Variants in TMEM135 observed in about 807,000 individuals in gnomAD.
TMEM135 encodes the protein transmembrane protein 135, also known as peroxisomal membrane protein 52.
In TMEM135, 30 loss-of-function variants were observed where a neutral mutation model predicts 60.3. That is an observed-to-expected ratio of 0.50 (90% CI 0.37 to 0.68). TMEM135 has a LOEUF of 0.68. TMEM135 is among the 30% of genes least tolerant of loss of function. The pLI is 0.00. For synonymous variants in TMEM135, 190 were observed against 186.7 expected, an observed-to-expected ratio of 1.02 and a Z score of -0.14; for missense variants, 468 against 548.8, an observed-to-expected ratio of 0.85 and a Z score of 1.47.
At chr11:87,171,568 C>T (rs544020640) in intron 5 of TMEM135, among the ~76,000 whole-genome samples, 3 of 152,242 alleles carry the variant, frequency 2.0e-5, no homozygotes, top group African/African-American at 7.2e-5. Context: ...GTCTGCATGT[C>T]AGTAGACTTT....
intron 5 of TMEM135, among the ~76,000 whole-genome samples, chr11:87,220,692 A>G (rs1201786117): frequency 6.6e-6 from 1 of 152,178 alleles, no homozygotes; most frequent in South Asian, 2.1e-4. Flanking sequence ...TTTTATTTCG[A>G]GAAGACTCTA....
At chr11:87,183,684 G>A (rs1369720457) in intron 5 of TMEM135, among the ~76,000 whole-genome samples, 7 of 151,876 alleles carry the variant, frequency 4.6e-5, no homozygotes, top group Non-Finnish European at 5.9e-5. Context: ...GGCCAGGTGC[G>A]GTGGCTCACG....
intron 3 of TMEM135, among the ~76,000 whole-genome samples, chr11:87,072,004 T>C (rs1257407055): frequency 6.6e-6 from 1 of 152,026 alleles, no homozygotes; most frequent in Non-Finnish European, 1.5e-5. Flanking sequence ...CTGGCCAGCA[T>C]TGGAAAACCC....
intron 3 of TMEM135, among the ~76,000 whole-genome samples, chr11:87,073,166 C>T (rs771618328): frequency 3.9e-5 from 6 of 152,172 alleles, no homozygotes; most frequent in Non-Finnish European, 8.8e-5. Flanking sequence ...TCCCAAGTAG[C>T]TGGGACTACA....
At chr11:87,056,457 A>G (rs866310292) in intron 1 of TMEM135, among the ~76,000 whole-genome samples, 5 of 152,066 alleles carry the variant, frequency 3.3e-5, no homozygotes, top group Non-Finnish European at 7.4e-5. Flanking sequence ...TCTTTTTCCC[A>G]TGGTTAAATT....
intron 5 of TMEM135, among the ~76,000 whole-genome samples, chr11:87,166,863 G>A (rs568983613): frequency 5.9e-5 from 9 of 151,982 alleles, no homozygotes; most frequent in African/African-American, 2.2e-4. Context: ...TAGCTTGATG[G>A]GGATAGCATT....
At chr11:87,039,149 C>A (rs909475123) in intron 1 of TMEM135, among the ~76,000 whole-genome samples, 1 of 151,944 alleles carries the variant, frequency 6.6e-6, no homozygotes, top group Non-Finnish European at 1.5e-5. Flanking sequence ...AGATTTATAC[C>A]CTAATGTTCC....
At chr11:87,091,732 T>C (rs574174301) in intron 4 of TMEM135, among the ~76,000 whole-genome samples, 2 of 152,238 alleles carry the variant, frequency 1.3e-5, no homozygotes, top group South Asian at 4.1e-4. Flanking sequence ...ATTCTGCCTC[T>C]GTTGTGATTT....
At chr11:87,107,033 C>G (rs1292841691) in intron 4 of TMEM135, among the ~76,000 whole-genome samples, 1 of 152,146 alleles carries the variant, frequency 6.6e-6, no homozygotes, top group Non-Finnish European at 1.5e-5. Flanking sequence ...GAAGACAGCA[C>G]CAAGCCATGA....
At chr11:87,112,249 G>C (rs1236968308) in intron 4 of TMEM135, among the ~76,000 whole-genome samples, 1 of 152,116 alleles carries the variant, frequency 6.6e-6, no homozygotes, top group African/African-American at 2.4e-5. Context: ...GGTCTAGAAG[G>C]TAAGCATTAC....
At chr11:87,211,369 G>A (rs1164192705) in intron 5 of TMEM135, among the ~76,000 whole-genome samples, 1 of 152,176 alleles carries the variant, frequency 6.6e-6, no homozygotes, top group Admixed American at 6.5e-5. Context: ...TTGTGAACTT[G>A]TATATCCTTG....
At chr11:87,298,685 G>C (rs1387691603) in intron 7 of TMEM135, among the ~76,000 whole-genome samples, 3 of 151,022 alleles carry the variant, frequency 2.0e-5, no homozygotes, top group Non-Finnish European at 4.4e-5. Context: ...TGCTTGGGAG[G>C]CTGAGGGAGG....
chr11:87,070,048 G>A (rs904775846), intron 2 of TMEM135, among the ~76,000 whole-genome samples: 28 of 151,736 alleles, frequency 1.8e-4, no homozygotes, highest in African/African-American at 6.1e-4. Flanking sequence ...TAGTGTGCCC[G>A]TAGTCCCAGC....
chr11:87,301,670 C>T (rs981740639), intron 7 of TMEM135, among the ~76,000 whole-genome samples: 1 of 152,080 alleles, frequency 6.6e-6, no homozygotes, highest in Non-Finnish European at 1.5e-5. Flanking sequence ...TTTATAAGGG[C>T]AATGACTCTT....
At chr11:87,304,643 G>T (rs1942509909) in intron 8 of TMEM135, among the ~76,000 whole-genome samples, 1 of 152,182 alleles carries the variant, frequency 6.6e-6, no homozygotes, top group Admixed American at 6.5e-5. Flanking sequence ...AGGAAAGGCT[G>T]TATGCTCCAG....
intron 4 of TMEM135, among the ~76,000 whole-genome samples, chr11:87,152,726 A>G (rs57284701): frequency 6.6e-4 from 101 of 152,330 alleles, no homozygotes; most frequent in African/African-American, 2.3e-3. Flanking sequence ...GGCATGAGCC[A>G]CCGCATCCGG....
chr11:87,157,109 C>T (rs1938721261), intron 4 of TMEM135, among the ~76,000 whole-genome samples: 2 of 145,008 alleles, frequency 1.4e-5, no homozygotes, highest in Admixed American at 1.4e-4. Flanking sequence ...CTCACTCTGT[C>T]ATCTAGGCAG....
intron 4 of TMEM135, among the ~76,000 whole-genome samples, chr11:87,155,285 C>T (rs1388575396): frequency 6.6e-6 from 1 of 152,226 alleles, no homozygotes; most frequent in African/African-American, 2.4e-5. Context: ...AGGCGTGAGC[C>T]GCCATGCCCA....
chr11:87,250,879 A>G lies in TMEM135; in HGVS notation c.509+14195A>G, dbSNP rs150356274. Among the ~76,000 whole-genome samples, 111 of 152,268 alleles carry G rather than the reference A, an allele frequency of 7.3e-4. 1 individual carries two copies. Among genetic ancestry groups the G allele is most frequent in the African/African-American group, 2.4e-3 (101 of 41,570 alleles). ...TGCAGAGAGTGAATTTGGGATTTGG[A>G]GGGAGTATATCACAGGTAATAGGGG... On this transcript the variant is annotated intron_variant, in intron 6 of 14. Coordinates refer to ENST00000305494, the MANE Select transcript of TMEM135 (RefSeq NM_022918.4).
Sources: allele counts gnomAD v4.1 joint callset (sites outside exome capture counted in the v4.1 genomes callset), GRCh38; gene constraint gnomAD v4.1.1; transcripts MANE v1.5; gene names NCBI Gene and HGNC (gene_info 2026-07-23, HGNC 2026-07-21).